Variants in MRTFB observed in about 807,000 individuals in gnomAD.
The protein encoded by MRTFB is myocardin related transcription factor B, also known as myocardin-related transcription factor B.
In MRTFB, 29 loss-of-function variants were observed where a neutral mutation model predicts 104.2. The ratio of observed to expected loss-of-function variants is 0.28; its 90% confidence interval spans 0.21 to 0.38. The LOEUF is 0.38. MRTFB is among the 10% of genes least tolerant of loss of function. The pLI is 1.00. For synonymous variants in MRTFB, 535 were observed against 519.5 expected (o/e 1.03, Z -0.41); for missense variants, 1,270 against 1,341.6 (o/e 0.95, Z 0.83).
chr16:14,135,470 A>G (rs557283074), intron 2 of MRTFB, among the ~76,000 whole-genome samples: 3 of 152,350 alleles, frequency 2.0e-5, no homozygotes, highest in South Asian at 2.1e-4. Context: ...TTTGTAGCCT[A>G]CTAGCCATAG....
intron 1 of MRTFB, among the ~76,000 whole-genome samples, chr16:14,073,934 G>C (rs1392280560): frequency 6.6e-6 from 1 of 152,154 alleles, no homozygotes; most frequent in East Asian, 1.9e-4. Context: ...AGGGGAAAAT[G>C]CAAATCGAGT....
chr16:14,160,501 T>G (rs570949306), intron 3 of MRTFB, among the ~76,000 whole-genome samples: 1 of 152,216 alleles, frequency 6.6e-6, no homozygotes, highest in Non-Finnish European at 1.5e-5. Context: ...AATGTACTAT[T>G]TCCATTTGTA....
chr16:14,090,426 G>A (rs1179195036), intron 2 of MRTFB, among the ~76,000 whole-genome samples: 6 of 152,042 alleles, frequency 3.9e-5, no homozygotes, highest in Non-Finnish European at 8.8e-5. Context: ...TAAAATGCAC[G>A]CATCATCCCA....
chr16:14,196,907 A>G (rs1297290546), intron 3 of MRTFB, among the ~76,000 whole-genome samples: 2 of 149,726 alleles, frequency 1.3e-5, no homozygotes, highest in East Asian at 4.0e-4. Flanking sequence ...AAAATTTGTG[A>G]TATTCAGTTA....
the MRTFB span, among the ~76,000 whole-genome samples, chr16:14,044,268 G>A: frequency 6.6e-6 from 1 of 152,170 alleles, no homozygotes; most frequent in African/African-American, 2.4e-5. Flanking sequence ...CTGTCACCAA[G>A]CTGCCATTCA....
rs559119454 is a variant in MRTFB, at chr16:14,143,390, A to T, written c.154+2630A>T. 3.9e-5 allele frequency: 6 copies of T among 152,208 alleles called. No individual in the cohort carries two copies. In the South Asian group the frequency reaches 1.2e-3, roughly 32 times the overall value. The allele number at this position is 152,208 out of a possible 1,614,324, so 9.4% of individuals were successfully genotyped here. Reference sequence around the variant, plus strand: ...AGGAGACAAAATAATTATTTAGCTTATGAGAAGATAGGGCATAATTTTGGA... The same window carrying T: ...AGGAGACAAAATAATTATTTAGCTTTTGAGAAGATAGGGCATAATTTTGGA... On this transcript the variant is annotated intron_variant, in intron 3 of 16. Coordinates refer to ENST00000571589, the MANE Select transcript of MRTFB (RefSeq NM_001308142.2).
intron 2 of MRTFB, among the ~76,000 whole-genome samples, chr16:14,107,655 A>G (rs1415838331): frequency 2.0e-5 from 3 of 152,222 alleles, no homozygotes; most frequent in African/African-American, 7.2e-5. Context: ...TGTGCCAGCT[A>G]CTGTGTTAGA....
At chr16:13,999,217 C>G in the MRTFB span, among the ~76,000 whole-genome samples, 1 of 150,974 alleles carries the variant, frequency 6.6e-6, no homozygotes, top group Non-Finnish European at 1.5e-5. Flanking sequence ...AGAACAGTCA[C>G]TTCTAACCTC....
intron 2 of MRTFB, among the ~76,000 whole-genome samples, chr16:14,094,086 T>C (rs2035230853): frequency 6.9e-6 from 1 of 145,198 alleles, no homozygotes; most frequent in Non-Finnish European, 1.5e-5. Flanking sequence ...GCAGCTCTTT[T>C]AGATGATGGT....
Position 14,260,936 on chromosome 16 carries a change from C to G in MRTFB, c.2792C>G (p.Pro931Arg). The G allele has an allele frequency of 6.2e-7, 1 of 1,610,946 alleles. No individual in the cohort carries two copies. The highest frequency in any genetic ancestry group is 8.5e-7 in the Non-Finnish European group (1 of 1,177,818). Residue 931 changes from proline to arginine, a missense_variant, in exon 17 of 17, where the codon CCT becomes CGT. Transcript: ENST00000571589. ...GEISLPIKEE[P>R]SPISKMRPVT... ...ATCTCCCTCCCCATAAAAGAAGAAC[C>G]TTCTCCTATTTCCAAAATGAGACCA...
the MRTFB span, among the ~76,000 whole-genome samples, chr16:14,063,689 A>G: frequency 3.3e-5 from 5 of 152,218 alleles, no homozygotes; most frequent in Non-Finnish European, 7.3e-5. Flanking sequence ...ATCTGAGCTC[A>G]GTCCTACCAC....
chr16:14,247,589 C>A, intron 12 of MRTFB, 82 bp downstream of exon 12: 2 of 1,311,286 alleles, frequency 1.5e-6, no homozygotes, highest in South Asian at 1.5e-5. Context: ...CATACCTGAG[C>A]TCTTCCATAA....
the MRTFB span, among the ~76,000 whole-genome samples, chr16:13,995,859 G>C: frequency 6.6e-6 from 1 of 152,052 alleles, no homozygotes; most frequent in Non-Finnish European, 1.5e-5. Flanking sequence ...CCTCCCTCCA[G>C]ACCCCTCCCT....
At chr16:14,077,951 G>A (rs2034164112) in intron 1 of MRTFB, among the ~76,000 whole-genome samples, 1 of 152,184 alleles carries the variant, frequency 6.6e-6, no homozygotes. Flanking sequence ...GAAAACCAGA[G>A]AACAAATTCA....
intron 3 of MRTFB, among the ~76,000 whole-genome samples, chr16:14,175,802 A>C (rs2039562434): frequency 6.6e-6 from 1 of 152,212 alleles, no homozygotes; most frequent in African/African-American, 2.4e-5. Context: ...ACCACCGATG[A>C]GGTGCAACAA....
chr16:14,218,224 A>G (rs535936070), intron 7 of MRTFB, among the ~76,000 whole-genome samples: 2 of 152,034 alleles, frequency 1.3e-5, no homozygotes, highest in African/African-American at 4.8e-5. Flanking sequence ...ATGCCCGGCT[A>G]ATTTTTTCTA....
At chr16:14,219,467 G>A (rs2041587848) in intron 8 of MRTFB, among the ~76,000 whole-genome samples, 1 of 152,144 alleles carries the variant, frequency 6.6e-6, no homozygotes, top group Non-Finnish European at 1.5e-5. Flanking sequence ...TTGCCTTACT[G>A]AAATTTTAAT....
intron 10 of MRTFB, among the ~76,000 whole-genome samples, chr16:14,243,882 C>CA (rs1049007478): frequency 1.0e-5 from 1 of 96,738 alleles, no homozygotes; most frequent in Admixed American, 9.5e-5. Context: ...TTTTTTGAGA[C>CA]AGAGTCTCAC....
chr16:14,193,270 C>T (rs567368057), intron 3 of MRTFB, among the ~76,000 whole-genome samples: 5 of 148,228 alleles, frequency 3.4e-5, no homozygotes, highest in East Asian at 2.0e-4. Context: ...AATCCTATTC[C>T]GTTGTGTCAC....
Sources: allele counts gnomAD v4.1 joint callset (sites outside exome capture counted in the v4.1 genomes callset), GRCh38; gene constraint gnomAD v4.1.1; transcripts MANE v1.5; gene names NCBI Gene and HGNC (gene_info 2026-07-23, HGNC 2026-07-21).